The following SCAI variants were observed in gnomAD, a reference collection of about 807,000 sequenced individuals.
The protein encoded by SCAI is suppressor of cancer cell invasion.
SCAI carries 24 observed loss-of-function variants against 92.2 expected under a neutral mutation model. The ratio of observed to expected loss-of-function variants is 0.26; its 90% CI spans 0.19 to 0.37. The LOEUF (loss-of-function observed/expected upper bound fraction) is 0.37, where lower values mean the gene tolerates loss of function less well. Ranked by LOEUF, SCAI falls within the 10% of genes least tolerant of loss-of-function variation. The pLI, the probability that SCAI is intolerant of heterozygous loss-of-function variation, is 1.00. For synonymous variants in SCAI, 261 were observed against 258.6 expected (o/e 1.01, Z -0.09); for missense variants, 450 against 736.2 (o/e 0.61, Z 4.50).
chr9:124,958,598 T>C (rs1831368096), intron 17 of SCAI, among the ~76,000 whole-genome samples: 2 of 151,986 alleles, frequency 1.3e-5, no homozygotes, highest in Admixed American at 6.6e-5. Flanking sequence ...GCTGAAACTA[T>C]AGAATTCCTA....
At chr9:125,020,651 G>T (rs755943967) in intron 7 of SCAI, 22 bp downstream of exon 7, 13 of 1,040,182 alleles carry the variant, frequency 1.2e-5, no homozygotes, top group South Asian at 3.0e-5. Context: ...ATTAGAATTT[G>T]AACTATTTAA....
intron 3 of SCAI, among the ~76,000 whole-genome samples, chr9:125,046,339 A>G (rs867473386): frequency 1.2e-4 from 3 of 24,098 alleles, no homozygotes; most frequent in East Asian, 1.9e-3. Context: ...ACACATATAT[A>G]TATGTGTGTG....
intron 9 of SCAI, 152 bp downstream of exon 9, chr9:125,018,647 G>A (rs964233918): frequency 1.6e-6 from 1 of 617,044 alleles, no homozygotes; most frequent in Admixed American, 3.3e-5. Context: ...TTAAATATCT[G>A]TAATATATTC....
intron 3 of SCAI, among the ~76,000 whole-genome samples, chr9:125,052,486 CGAGGCAGGAGAATCGCTTG>C (rs779529586): frequency 1.3e-4 from 19 of 151,732 alleles, no homozygotes; most frequent in African/African-American, 2.4e-4. Context: ...CGGTGGGTGC[CGAGGCAGGAGAATCGCTTG>C]GAGGCAGGAG....
At chr9:125,073,139 C>G (rs1813537025) in intron 2 of SCAI, among the ~76,000 whole-genome samples, 2 of 100,036 alleles carry the variant, frequency 2.0e-5, no homozygotes, top group South Asian at 3.7e-4. Flanking sequence ...GAGTCTCGCT[C>G]GGTCGCCCAG....
chr9:125,066,551 G>T (rs900855314), intron 2 of SCAI, among the ~76,000 whole-genome samples: 1 of 151,888 alleles, frequency 6.6e-6, no homozygotes, highest in African/African-American at 2.4e-5. Flanking sequence ...TGACTCCCGG[G>T]TTCACACCAT....
chr9:125,125,922 A>T, intron 2 of SCAI, among the ~76,000 whole-genome samples: 1 of 147,282 alleles, frequency 6.8e-6, no homozygotes, highest in South Asian at 2.1e-4. Context: ...ACACACACAC[A>T]CACACACACA....
Position 125,119,123 on chromosome 9 carries a change from T to G in SCAI, c.98+23510A>C, listed in dbSNP as rs555327386. Among the ~76,000 whole-genome samples, 3 of 152,226 alleles carry G rather than the reference T, an allele frequency of 2.0e-5. No homozygotes were observed. In the East Asian group the frequency reaches 5.8e-4, roughly 29 times the overall value. ...AAATTGAAGACCAGCCTGGGCAACA[T>G]GACAAGACCAAGATCCCATCTCTAT... is the stretch of plus-strand genomic sequence containing the variant. On this transcript the variant is annotated intron_variant, in intron 2 of 17. Transcript: ENST00000336505.
chr9:124,983,035 C>T (rs1831918290), intron 14 of SCAI, among the ~76,000 whole-genome samples: 1 of 151,856 alleles, frequency 6.6e-6, no homozygotes, highest in Non-Finnish European at 1.5e-5. Flanking sequence ...TTTCTGTAGT[C>T]CTAGTACTCG....
chr9:125,132,161 T>C (rs922907724), intron 2 of SCAI, among the ~76,000 whole-genome samples: 1 of 151,974 alleles, frequency 6.6e-6, no homozygotes, highest in Non-Finnish European at 1.5e-5. Context: ...TCACCCAGGT[T>C]AGGGTGCAGT....
chr9:125,001,901 C>A (rs1012066652), intron 12 of SCAI, 64 bp downstream of exon 12: 6 of 1,172,910 alleles, frequency 5.1e-6, no homozygotes, highest in Non-Finnish European at 7.6e-6. Flanking sequence ...TACGGGCCAT[C>A]GTCTTGTAGA....
chr9:125,120,433 C>T (rs545381672), intron 2 of SCAI, among the ~76,000 whole-genome samples: 1 of 152,316 alleles, frequency 6.6e-6, no homozygotes, highest in African/African-American at 2.4e-5. Context: ...TGGCTCACGC[C>T]TGCAGTCCCA....
intron 13 of SCAI, among the ~76,000 whole-genome samples, chr9:124,998,989 T>C (rs1188766309): frequency 1.3e-5 from 2 of 152,026 alleles, no homozygotes; most frequent in African/African-American, 4.8e-5. Context: ...AGATGATAAG[T>C]ATGCTAATTA....
At chr9:125,090,315 G>A (rs1341099415) in intron 2 of SCAI, among the ~76,000 whole-genome samples, 2 of 152,080 alleles carry the variant, frequency 1.3e-5, no homozygotes, top group East Asian at 1.9e-4. Context: ...AGAAGAAGAG[G>A]AAGGAGAGGA....
At chr9:125,060,827 A>C (rs1833755509) in intron 2 of SCAI, among the ~76,000 whole-genome samples, 2 of 152,182 alleles carry the variant, frequency 1.3e-5, no homozygotes, top group South Asian at 4.1e-4. Flanking sequence ...TGTCTTTATG[A>C]GTAGCATGAA....
chr9:124,972,310 A>G (rs1831676057), intron 15 of SCAI, among the ~76,000 whole-genome samples: 1 of 152,098 alleles, frequency 6.6e-6, no homozygotes, highest in Non-Finnish European at 1.5e-5. Flanking sequence ...TTTAGTTACC[A>G]TTTATATGCC....
chr9:125,009,238 G>A (rs1156492226), intron 9 of SCAI, among the ~76,000 whole-genome samples: 1 of 152,112 alleles, frequency 6.6e-6, no homozygotes, highest in Non-Finnish European at 1.5e-5. Flanking sequence ...TTAAAGTAAT[G>A]CTTAAAGAGA....
intron 2 of SCAI, among the ~76,000 whole-genome samples, chr9:125,131,177 G>A (rs1173594064): frequency 2.0e-5 from 3 of 151,396 alleles, no homozygotes; most frequent in African/African-American, 4.8e-5. Context: ...AGGCCGAGGC[G>A]GGTGGATCAC....
Position 124,946,488 on chromosome 9 carries a change from T to C in SCAI, c.*6319A>G, listed in dbSNP as rs945347397. ...AAAGAATACGGTGTAAAAAGTTGCT[T>C]TGCAGTTATATTTTATCATGCAAAA... is the stretch of plus-strand genomic sequence containing the variant. On this transcript the variant is annotated 3_prime_UTR_variant, in exon 18 of 18. Coordinates refer to ENST00000336505, the MANE Select transcript of SCAI (RefSeq NM_001144877.3). This position sits in a 1 kb window ranked among gnomAD's most constrained non-coding sequence, Gnocchi z 4.0. The C allele has an allele frequency of 2.6e-4, 39 of 152,306 alleles. No individual in the cohort carries two copies. The highest frequency in any genetic ancestry group is 7.9e-4 in the African/African-American group (33 of 41,564). The allele number at this position is 152,306 out of a possible 1,614,324, so 9.4% of individuals were successfully genotyped here. A position where few individuals can be genotyped will look rare whatever the true frequency, so the allele number is the denominator to read the frequency against.
Sources: allele counts gnomAD v4.1 joint callset (sites outside exome capture counted in the v4.1 genomes callset), GRCh38; gene constraint gnomAD v4.1.1; non-coding constraint Gnocchi (gnomAD v3.1); transcripts MANE v1.5; gene names NCBI Gene and HGNC (gene_info 2026-07-23, HGNC 2026-07-21).